The following USH2A variants were observed in gnomAD, a reference collection of about 807,000 sequenced individuals.
USH2A encodes Usher syndrome 2A (autosomal recessive, mild).
USH2A carries 443 observed loss-of-function variants against 538.9 expected under a neutral mutation model. The observed-to-expected ratio is 0.82, with a 90% CI of 0.76 to 0.89. The LOEUF is 0.89. Among genes scored for constraint, USH2A ranks in the 40% least tolerant of loss-of-function variants. The probability of loss-of-function intolerance (pLI) is 0.00; values close to 1 mark genes in which losing one functional copy is unlikely to be tolerated. For synonymous variants in USH2A, 2,413 were observed against 2,273.5 expected (o/e 1.06, Z -1.75); for missense variants, 6,633 against 6,324.8 (o/e 1.05, Z -1.65).
intron 3 of USH2A, among the ~76,000 whole-genome samples, chr1:216,389,097 C>A (rs1321881443): frequency 6.6e-6 from 1 of 152,102 alleles, no homozygotes; most frequent in African/African-American, 2.4e-5. Flanking sequence ...GGAAAAGGTT[C>A]TTGGATGAAA....
At chr1:215,996,110 C>T (rs946068425) in intron 34 of USH2A, among the ~76,000 whole-genome samples, 7 of 152,120 alleles carry the variant, frequency 4.6e-5, no homozygotes, top group Non-Finnish European at 1.0e-4. Flanking sequence ...GGGTTTTCGC[C>T]ATGTTGGCCA....
intron 34 of USH2A, among the ~76,000 whole-genome samples, chr1:215,996,839 C>A (rs1668154786): frequency 6.6e-6 from 1 of 151,986 alleles, no homozygotes; most frequent in African/African-American, 2.4e-5. Flanking sequence ...AATGTGAAAA[C>A]TAAATGACGT....
chr1:216,193,482 T>C (rs1192786502), intron 19 of USH2A, among the ~76,000 whole-genome samples: 2 of 152,058 alleles, frequency 1.3e-5, no homozygotes, highest in Non-Finnish European at 1.5e-5. Context: ...TAGAAAAAAA[T>C]GGCAAACCTA....
chr1:216,185,271 A>T (rs1264189841), intron 20 of USH2A, among the ~76,000 whole-genome samples: 1 of 151,930 alleles, frequency 6.6e-6, no homozygotes, highest in East Asian at 1.9e-4. Flanking sequence ...GAAACTAAAG[A>T]AGCAGCAGTG....
intron 14 of USH2A, 92 bp downstream of exon 14, chr1:216,231,861 A>C: frequency 6.5e-7 from 1 of 1,529,010 alleles, no homozygotes; most frequent in Non-Finnish European, 9.0e-7. Flanking sequence ...CAAAAAAAAT[A>C]CTTTTTACAG....
At chr1:215,700,947 T>G (rs1388642827) in intron 61 of USH2A, among the ~76,000 whole-genome samples, 1 of 152,238 alleles carries the variant, frequency 6.6e-6, no homozygotes, top group East Asian at 1.9e-4. Flanking sequence ...GGGCACTTAT[T>G]GCTATAAATT....
intron 3 of USH2A, among the ~76,000 whole-genome samples, chr1:216,367,650 C>T (rs932586209): frequency 6.6e-6 from 1 of 151,996 alleles, no homozygotes; most frequent in African/African-American, 2.4e-5. Context: ...ATGATGATCC[C>T]AAGCCACTCT....
intron 9 of USH2A, among the ~76,000 whole-genome samples, chr1:216,307,476 C>T (rs1396951079): frequency 6.6e-6 from 1 of 152,162 alleles, no homozygotes; most frequent in Non-Finnish European, 1.5e-5. Flanking sequence ...TGAGGACTTG[C>T]CCCTGCTCCA....
intron 69 of USH2A, among the ~76,000 whole-genome samples, chr1:215,637,260 G>A (rs1347643606): frequency 6.6e-6 from 1 of 152,288 alleles, no homozygotes; most frequent in South Asian, 2.1e-4. Context: ...CACTCAACAC[G>A]TGGTTCTGAG....
chr1:215,657,268 CGCT>C (rs1444618606), intron 64 of USH2A, among the ~76,000 whole-genome samples: 2 of 152,176 alleles, frequency 1.3e-5, no homozygotes, highest in Non-Finnish European at 2.9e-5. Context: ...ATGGCACTCA[CGCT>C]AATGCCTTCT....
At chr1:215,694,599 G>C (rs1400369048) in intron 61 of USH2A, among the ~76,000 whole-genome samples, 1 of 151,982 alleles carries the variant, frequency 6.6e-6, no homozygotes, top group African/African-American at 2.4e-5. Context: ...CAACCCACAA[G>C]GCATTCAAAA....
At chr1:216,417,818 AG>A (rs899547223) in intron 3 of USH2A, among the ~76,000 whole-genome samples, 1 of 152,072 alleles carries the variant, frequency 6.6e-6, no homozygotes, top group African/African-American at 2.4e-5. Context: ...TTTTTATAGT[AG>A]TGGAAGAATG....
At position 216,136,241 on chromosome 1, in the gene USH2A, T is replaced by C. The variant is rs149127138; in HGVS notation, c.4627+39011A>G. ...GGGAAATTTGAAAACAAGATTGCTATGCTATCTCTATAAATATAAGAAAAC... is the reference window on the plus strand; with the variant it reads ...GGGAAATTTGAAAACAAGATTGCTACGCTATCTCTATAAATATAAGAAAAC... On this transcript the variant is annotated intron_variant, in intron 21 of 71. Coordinates refer to ENST00000307340, the MANE Select transcript of USH2A (RefSeq NM_206933.4). Among the ~76,000 whole-genome samples the C allele has an allele frequency of 3.8e-3, 583 of 152,240 alleles. 1 individual carries two copies. The highest frequency in any genetic ancestry group is 0.014 in the African/African-American group (563 of 41,556).
At chr1:216,013,115 G>C (rs561109574) in intron 32 of USH2A, among the ~76,000 whole-genome samples, 6 of 152,266 alleles carry the variant, frequency 3.9e-5, no homozygotes, top group African/African-American at 1.4e-4. Flanking sequence ...TCTCTAATCA[G>C]ATGTCCTGAG....
At chr1:216,400,514 G>T (rs1016424581) in intron 3 of USH2A, among the ~76,000 whole-genome samples, 42 of 152,054 alleles carry the variant, frequency 2.8e-4, no homozygotes, top group African/African-American at 1.0e-3. Context: ...CAGTGAAAAT[G>T]TATTCAAGAA....
intron 70 of USH2A, among the ~76,000 whole-genome samples, chr1:215,629,386 A>G (rs1210370319): frequency 6.6e-6 from 1 of 152,156 alleles, no homozygotes; most frequent in Admixed American, 6.6e-5. Context: ...CAGACGGATG[A>G]TGGGTGAACA....
chr1:216,112,611 G>T (rs1285976745), intron 21 of USH2A, among the ~76,000 whole-genome samples: 1 of 151,886 alleles, frequency 6.6e-6, no homozygotes, highest in Admixed American at 6.6e-5. Context: ...TCTCCCTTCT[G>T]CCTCCCTTCA....
At chr1:215,946,957 A>G (rs1666773715) in intron 37 of USH2A, among the ~76,000 whole-genome samples, 1 of 152,156 alleles carries the variant, frequency 6.6e-6, no homozygotes, top group African/African-American at 2.4e-5. Context: ...AGAAAAAATA[A>G]TGTATTATCT....
chr1:216,227,346 G>C (rs2035582629), intron 14 of USH2A, among the ~76,000 whole-genome samples: 1 of 152,142 alleles, frequency 6.6e-6, no homozygotes, highest in Admixed American at 6.5e-5. Flanking sequence ...GAATCATAGT[G>C]CTCTTTTTAA....
Sources: allele counts gnomAD v4.1 joint callset (sites outside exome capture counted in the v4.1 genomes callset), GRCh38; gene constraint gnomAD v4.1.1; transcripts MANE v1.5; gene names NCBI Gene and HGNC (gene_info 2026-07-23, HGNC 2026-07-21).